Variants in RNPC3 observed in about 807,000 individuals in gnomAD.
The protein encoded by RNPC3 is RNA-binding region-containing protein 3.
A neutral mutation model predicts 67.5 loss-of-function variants in RNPC3; 48 were observed. The observed-to-expected ratio is 0.71, with a 90% CI of 0.56 to 0.90. The LOEUF (loss-of-function observed/expected upper bound fraction) is 0.90, where lower values mean the gene tolerates loss of function less well. RNPC3 is among the 40% of genes least tolerant of loss of function. The probability of loss-of-function intolerance (pLI) is 0.00; values close to 1 mark genes in which losing one functional copy is unlikely to be tolerated. For missense variants in RNPC3, 637 were observed against 626.1 expected (o/e 1.02, Z -0.19); for synonymous variants, 239 against 210.3 (o/e 1.14, Z -1.18).
chr1:103,531,659 A>C (rs546716513), intron 2 of RNPC3, among the ~76,000 whole-genome samples: 1 of 151,908 alleles, frequency 6.6e-6, no homozygotes, highest in Admixed American at 6.6e-5. Context: ...AGAATTGTCT[A>C]TTCATGTCCT....
Position 103,525,996 on chromosome 1 carries a change from T to C in RNPC3, c.-75T>C. 1 of 1,183,342 alleles carries C rather than the reference T, an allele frequency of 8.5e-7. No individual in the cohort carries two copies. Among genetic ancestry groups the C allele is most frequent in the Non-Finnish European group, 1.2e-6 (1 of 859,698 alleles). The allele number at this position is 1,183,342 out of a possible 1,614,324, so 73.3% of individuals were successfully genotyped here. ...TAGCGCGAGGCGGAAAAAATATTTC[T>C]CCCAGCTTGTGTTGATGCCGCGATT... On this transcript the variant is annotated 5_prime_UTR_variant, in exon 1 of 15. Transcript: ENST00000423855.
intron 12 of RNPC3, among the ~76,000 whole-genome samples, chr1:103,548,354 C>T (rs1651297865): frequency 6.6e-6 from 1 of 152,180 alleles, no homozygotes; most frequent in Non-Finnish European, 1.5e-5. Flanking sequence ...ACCCAAGTCA[C>T]CTCTTGAATG....
chr1:103,541,600 A>T lies in RNPC3; in HGVS notation c.893+125A>T, dbSNP rs12144784. 812 of 835,448 alleles carry T rather than the reference A, an allele frequency of 9.7e-4. 3 individuals carry two copies. The highest frequency in any genetic ancestry group is 1.4e-3 in the Non-Finnish European group (767 of 567,012). The allele number at this position is 835,448 out of a possible 1,614,324, so 51.8% of individuals were successfully genotyped here. ...TGTTCTTGGTTTACATTGGCTTCCT[A>T]GTTACCAAATTTACAAATATTCATA... On this transcript the variant is annotated intron_variant, in intron 8 of 14. Transcript: ENST00000423855.
At chr1:103,548,117 T>A (rs1241867238) in intron 12 of RNPC3, among the ~76,000 whole-genome samples, 1 of 152,146 alleles carries the variant, frequency 6.6e-6, no homozygotes, top group Non-Finnish European at 1.5e-5. Flanking sequence ...AAATCACTTT[T>A]TCTTCCTAGT....
At chr1:103,526,294 A>G in intron 1 of RNPC3, 32 bp downstream of exon 1, 9 of 1,497,398 alleles carry the variant, frequency 6.0e-6, no homozygotes, top group Non-Finnish European at 8.1e-6. Context: ...GTCTCCCGGG[A>G]AGGCATTTGG....
chr1:103,546,964 A>G lies in RNPC3; in HGVS notation c.1303-13A>G. On this transcript the variant is annotated splice_polypyrimidine_tract_variant and intron_variant, in intron 11 of 14. Coordinates refer to ENST00000423855, the MANE Select transcript of RNPC3 (RefSeq NM_017619.4). The stretch of plus-strand genomic sequence containing the variant: ...TGGCTTTGTTATTTGTCTTTTTCTT[A>G]TTGAAATTCTAGGACCTTAAATATA... The G allele has an allele frequency of 7.4e-7, 1 of 1,345,500 alleles. No individual in the cohort carries two copies. The highest frequency in any genetic ancestry group is 2.5e-5 in the East Asian group (1 of 39,284). The allele number at this position is 1,345,500 out of a possible 1,614,324, so 83.3% of individuals were successfully genotyped here.
rs528536724 is a variant in RNPC3, at chr1:103,547,227, T to C, written c.1361+192T>C. Among the ~76,000 whole-genome samples, 4 of 152,358 alleles carry C rather than the reference T, an allele frequency of 2.6e-5. No homozygotes were observed. In the East Asian group the frequency reaches 7.7e-4, roughly 29 times the overall value. On this transcript the variant is annotated intron_variant, in intron 12 of 14. Transcript: ENST00000423855. ...CAAACTTTTTCTGTAAATGGGCAGA[T>C]AGTAAAAATTTAATATTTTTATTTT...
chr1:103,533,291 G>A (rs577841015), intron 2 of RNPC3, among the ~76,000 whole-genome samples: 1 of 151,992 alleles, frequency 6.6e-6, no homozygotes, highest in African/African-American at 2.4e-5. Flanking sequence ...TAAGCTAACG[G>A]AATACAAGAA....
intron 9 of RNPC3, 67 bp from the exon 10 acceptor site, chr1:103,544,874 G>T: frequency 1.0e-6 from 1 of 971,856 alleles, no homozygotes; most frequent in East Asian, 2.8e-5. Flanking sequence ...AAAATAGGAG[G>T]TGGGGACCCA....
chr1:103,548,034 C>T (rs942653571), intron 12 of RNPC3, among the ~76,000 whole-genome samples: 1 of 152,188 alleles, frequency 6.6e-6, no homozygotes, highest in East Asian at 1.9e-4. Flanking sequence ...TCAGCCACAG[C>T]TGCCGTGGCT....
intron 1 of RNPC3, 25 bp downstream of exon 1, chr1:103,526,287 TC>T: frequency 6.7e-7 from 1 of 1,501,978 alleles, no homozygotes; most frequent in East Asian, 2.6e-5. Context: ...CTCCGGAGTC[TC>T]CCGGGAAGGC....
chr1:103,537,150 G>A (rs920150728), intron 6 of RNPC3, among the ~76,000 whole-genome samples, 192 bp from the exon 7 acceptor site: 2 of 151,980 alleles, frequency 1.3e-5, no homozygotes, highest in East Asian at 3.9e-4. Context: ...TTCAGCTGAG[G>A]GTAAAGGAAG....
intron 1 of RNPC3, among the ~76,000 whole-genome samples, chr1:103,527,176 TTG>T (rs1300972343): frequency 2.0e-5 from 3 of 152,182 alleles, no homozygotes; most frequent in Non-Finnish European, 4.4e-5. Context: ...TACTGTTGAT[TTG>T]TGTTTCTTTT....
chr1:103,542,784 C>T (rs1416766730), intron 8 of RNPC3, among the ~76,000 whole-genome samples: 2 of 151,478 alleles, frequency 1.3e-5, no homozygotes, highest in Non-Finnish European at 3.0e-5. Context: ...TGTAAAATAT[C>T]TTGATAACTT....
rs566265700 is a variant in RNPC3 at position 103,537,370 on chromosome 1, C to T, written c.653C>T (p.Pro218Leu). The change falls in exon 7 of 15, where the codon CCT becomes CTT. Residue 218 changes from proline (P) to leucine (L), a missense_variant. By Grantham distance (98) the Pro-to-Leu change is moderately conservative. Around this residue, in one of 3 missense-constraint regions of RNPC3, gnomAD observed 536 missense variants for 500.3 expected, o/e 1.07. Transcript: ENST00000423855. ...GAAGACTATATGCCATTGCATGCAC[C>T]TCTTCCACCCACATCTCCTCAGCCA... ...MYEDYMPLHA[P>L]LPPTSPQPPE... The T allele has an allele frequency of 1.4e-4, 215 of 1,535,466 alleles. No homozygotes were observed. The highest frequency in any genetic ancestry group is 1.1e-3 in the Admixed American group (56 of 50,946).
chr1:103,553,244 A>G (rs113127065), intron 14 of RNPC3: 2 of 152,370 alleles, frequency 1.3e-5, no homozygotes, highest in African/African-American at 4.8e-5. Flanking sequence ...TAAGAAAAAA[A>G]TTAAACTGCA....
At chr1:103,545,896 ATAG>A (rs1220632218) in intron 10 of RNPC3, 2 of 153,456 alleles carry the variant, frequency 1.3e-5, no homozygotes, top group Admixed American at 6.5e-5. Context: ...CGGACCTTTA[ATAG>A]TAGATATTTT....
At position 103,540,153 on chromosome 1, in the gene RNPC3, C is replaced by T. The variant is rs555289349; in HGVS notation, c.768-1197C>T. Among the ~76,000 whole-genome samples, 3 of 152,338 alleles carry T rather than the reference C, an allele frequency of 2.0e-5. No homozygotes were observed. The East Asian group carries it at 5.8e-4, about 29-fold the overall frequency. ...AAGTGCTGGGATTATAGGCGTGAGC[C>T]ACCATGTCCAGCCAACACTTTTGCT... On this transcript the variant is annotated intron_variant, in intron 7 of 14. Transcript: ENST00000423855.
chr1:103,554,712 G>T, intron 14 of RNPC3: 1 of 152,508 alleles, frequency 6.6e-6, no homozygotes, highest in East Asian at 1.9e-4. Flanking sequence ...AAAATAAAGG[G>T]TTGGAGCCTC....
Sources: allele counts gnomAD v4.1 joint callset (sites outside exome capture counted in the v4.1 genomes callset), GRCh38; gene constraint gnomAD v4.1.1; regional missense constraint gnomAD v4.1.1; transcripts MANE v1.5; gene names NCBI Gene and HGNC (gene_info 2026-07-23, HGNC 2026-07-21).